ANAPC1: variants seen among roughly 807,000 people sequenced by gnomAD.
ANAPC1 encodes the protein anaphase promoting complex subunit 1.
Under a neutral mutation model 208.0 loss-of-function variants are expected in ANAPC1, and 36 were observed. The observed-to-expected ratio is 0.17, with a 90% confidence interval of 0.13 to 0.23. ANAPC1 has a LOEUF of 0.23. ANAPC1 is among the 10% of genes least tolerant of loss of function. The pLI, the probability that ANAPC1 is intolerant of heterozygous loss-of-function variation, is 1.00. For missense variants in ANAPC1, 942 were observed against 2,011.6 expected (o/e 0.47, Z 10.17); for synonymous variants, 378 against 695.2 (o/e 0.54, Z 7.18).
In ANAPC1 at chr2:111,806,732, T is replaced by C. The variant is rs1384938823; in HGVS notation, c.3833-839A>G. Among the ~76,000 whole-genome samples the C allele has an allele frequency of 2.0e-5, 3 of 151,456 alleles. No homozygotes were observed. In the South Asian group the frequency reaches 6.3e-4, roughly 32 times the overall value. Reference sequence around the variant, plus strand: ...CTATGGTAGAATTTCTGTGTACTGATCCTAGAAGTCTGACTGGATACAAAA... The same window carrying C: ...CTATGGTAGAATTTCTGTGTACTGACCCTAGAAGTCTGACTGGATACAAAA... On this transcript the variant is annotated intron_variant, in intron 29 of 47. Transcript: ENST00000341068.
intron 19 of ANAPC1, 133 bp from the exon 20 acceptor site, chr2:111,833,444 C>G: frequency 7.6e-7 from 1 of 1,323,724 alleles, no homozygotes. Context: ...TAGAGTCTCT[C>G]TATTGTATTT....
chr2:111,842,027 A>AT (rs1680792018), intron 17 of ANAPC1, among the ~76,000 whole-genome samples: 1 of 152,196 alleles, frequency 6.6e-6, no homozygotes, highest in South Asian at 2.1e-4. Context: ...CTCTTTTAAG[A>AT]TTCAATGCTT....
At chr2:111,855,635 A>T (rs1237520902) in intron 13 of ANAPC1, among the ~76,000 whole-genome samples, 2 of 152,218 alleles carry the variant, frequency 1.3e-5, no homozygotes, top group Admixed American at 1.3e-4. Context: ...TTTATATAAA[A>T]ATTCAAAAAC....
At chr2:111,772,214 C>T (rs1676779545) in intron 47 of ANAPC1, 127 bp downstream of exon 47, 1 of 631,234 alleles carries the variant, frequency 1.6e-6, no homozygotes, top group Non-Finnish European at 2.8e-6. Context: ...CCAAAACAGT[C>T]CCTAACAATG....
intron 28 of ANAPC1, among the ~76,000 whole-genome samples, chr2:111,813,297 C>G (rs1267786220): frequency 7.0e-6 from 1 of 142,842 alleles, no homozygotes; most frequent in African/African-American, 2.6e-5. Context: ...CTAGGGAGAC[C>G]TTTCGTTTAC....
intron 3 of ANAPC1, among the ~76,000 whole-genome samples, chr2:111,877,807 A>C (rs1683097545): frequency 6.6e-6 from 1 of 151,886 alleles, no homozygotes; most frequent in African/African-American, 2.4e-5. Context: ...ATAAATAAAC[A>C]ATAATAATAA....
chr2:111,825,038 T>C lies in ANAPC1; in HGVS notation c.2742-2A>G. 6.2e-7 allele frequency: 1 copy of C among 1,613,920 alleles called. No individual in the cohort carries two copies. The highest frequency in any genetic ancestry group is 1.1e-5 in the South Asian group (1 of 91,078). On this transcript the variant is annotated splice_acceptor_variant, in intron 23 of 47. Transcript: ENST00000341068. LOFTEE classifies it high-confidence loss of function. ...GATGTAGAATGCCTGAAACTAAACC[T>C]ATAAGAGAATAAAACATAAAGTTAT...
intron 9 of ANAPC1, 143 bp downstream of exon 9, chr2:111,863,532 A>AAAAAT (rs201538940): frequency 3.2e-5 from 9 of 284,850 alleles, no homozygotes; most frequent in South Asian, 7.6e-5. Flanking sequence ...AAAAAAAAAA[A>AAAAAT]GGCTCAATTG....
chr2:111,864,682 G>C (rs1682304375), intron 8 of ANAPC1, 124 bp downstream of exon 8: 3 of 1,503,834 alleles, frequency 2.0e-6, no homozygotes, highest in Admixed American at 2.0e-5. Flanking sequence ...GGCTGGTCTT[G>C]AACGTCCTGA....
intron 47 of ANAPC1, among the ~76,000 whole-genome samples, chr2:111,769,872 T>C (rs1676634662): frequency 6.6e-6 from 1 of 150,516 alleles, no homozygotes; most frequent in Admixed American, 6.6e-5. Context: ...TTAGTAGAGA[T>C]GGGGTTTCAA....
intron 13 of ANAPC1, among the ~76,000 whole-genome samples, chr2:111,853,812 G>C (rs551284647): frequency 6.6e-6 from 1 of 152,058 alleles, no homozygotes; most frequent in African/African-American, 2.4e-5. Context: ...CGCCTCCTGG[G>C]TTCACGCCAG....
intron 42 of ANAPC1, 78 bp from the exon 43 acceptor site, chr2:111,782,585 G>C: frequency 6.4e-7 from 1 of 1,553,260 alleles, no homozygotes; most frequent in Non-Finnish European, 8.7e-7. Flanking sequence ...CCAATACCAT[G>C]TTCACAGGAG....
chr2:111,835,063 G>A (rs1457443024), intron 18 of ANAPC1, among the ~76,000 whole-genome samples, 191 bp from the exon 19 acceptor site: 1 of 150,992 alleles, frequency 6.6e-6, no homozygotes, highest in African/African-American at 2.4e-5. Flanking sequence ...TAAACGTTAA[G>A]GCAAGCCACC....
In ANAPC1 at chr2:111,838,442, T is replaced by C; in HGVS notation, c.2111A>G (p.Asp704Gly). The change falls in exon 18 of 48, where the codon GAT becomes GGT. Residue 704 changes from aspartate to glycine, a missense_variant. Transcript: ENST00000341068. The stretch of plus-strand genomic sequence containing the variant: ...GCAAGAAATAATAATGCTTACATCA[T>C]CAGATCCAGTCTCGGAAGGCCTTGC... ...KKARPSETGS[D>G]DDWEYLLNSD... is the part of the protein sequence containing the mutation. 5.6e-6 allele frequency: 9 copies of C among 1,602,306 alleles called. No individual in the cohort carries two copies. The highest frequency in any genetic ancestry group is 7.6e-6 in the Non-Finnish European group (9 of 1,176,600).
In ANAPC1 at chr2:111,847,857, C is replaced by G. The variant is rs1206787300; in HGVS notation, c.1659G>C (p.Leu553=). 2.5e-6 allele frequency: 4 copies of G among 1,575,176 alleles called. No homozygotes were observed. The highest frequency in any genetic ancestry group is 3.4e-6 in the Non-Finnish European group (4 of 1,165,096). ...KLLGSLDEVV[L]LSPVPELRDS... Reference sequence around the variant, plus strand: ...CCCTCAGTTCTGGAACTGGGGACAACAGAACAACCTGTAAAAAGTTGTAAA... The same window carrying G: ...CCCTCAGTTCTGGAACTGGGGACAAGAGAACAACCTGTAAAAAGTTGTAAA... Residue 553 remains leucine (L), a synonymous_variant, in exon 15 of 48, where the codon CTG becomes CTC. Coordinates refer to ENST00000341068, the MANE Select transcript of ANAPC1 (RefSeq NM_022662.4).
intron 21 of ANAPC1, among the ~76,000 whole-genome samples, chr2:111,829,234 T>A (rs1227894365): frequency 6.6e-6 from 1 of 151,966 alleles, no homozygotes; most frequent in Non-Finnish European, 1.5e-5. Flanking sequence ...TAATAACAAT[T>A]TCAATGACAA....
intron 2 of ANAPC1, among the ~76,000 whole-genome samples, chr2:111,879,479 C>T (rs1288139169): frequency 6.6e-6 from 1 of 152,190 alleles, no homozygotes; most frequent in Non-Finnish European, 1.5e-5. Flanking sequence ...TAGGCTTTCC[C>T]TCCCCGAGAT....
chr2:111,838,798 T>C (rs563597776), intron 17 of ANAPC1, among the ~76,000 whole-genome samples: 2 of 152,362 alleles, frequency 1.3e-5, no homozygotes, highest in Non-Finnish European at 1.5e-5. Context: ...TGTAACAACA[T>C]AGATTACATC....
intron 13 of ANAPC1, among the ~76,000 whole-genome samples, chr2:111,855,312 C>T (rs1353521877): frequency 1.3e-5 from 2 of 152,050 alleles, no homozygotes; most frequent in Non-Finnish European, 2.9e-5. Flanking sequence ...AAACTAATAA[C>T]AAAAAGGTTT....
Sources: allele counts gnomAD v4.1 joint callset (sites outside exome capture counted in the v4.1 genomes callset), GRCh38; gene constraint gnomAD v4.1.1; transcripts MANE v1.5; gene names NCBI Gene and HGNC (gene_info 2026-07-23, HGNC 2026-07-21).